The following ATP6V0A2 variants were observed in gnomAD, a reference collection of about 807,000 sequenced individuals.
The protein encoded by ATP6V0A2 is V-type proton ATPase 116 kDa subunit a 2.
A neutral mutation model predicts 104.4 loss-of-function variants in ATP6V0A2; 58 were observed. That is an observed-to-expected ratio of 0.56 (90% CI 0.45 to 0.69). The LOEUF is 0.69. Among genes scored for constraint, ATP6V0A2 ranks in the 30% least tolerant of loss-of-function variants. The probability of loss-of-function intolerance (pLI) is 0.00; values close to 1 mark genes in which losing one functional copy is unlikely to be tolerated. For synonymous variants in ATP6V0A2, 376 were observed against 397.9 expected (o/e 0.95, Z 0.65); for missense variants, 938 against 1,062.9 (o/e 0.88, Z 1.63).
rs1011810507 is a variant in ATP6V0A2 at position 123,758,562 on chromosome 12, G to A, written c.*530G>A. Reference sequence around the variant, plus strand: ...TTGAGATGAAGTCTTGCTGTGTCACGTAGGCTGGAGTGCAATGGCACGATC... The same window carrying A: ...TTGAGATGAAGTCTTGCTGTGTCACATAGGCTGGAGTGCAATGGCACGATC... On this transcript the variant is annotated 3_prime_UTR_variant, in exon 20 of 20. Coordinates refer to ENST00000330342, the MANE Select transcript of ATP6V0A2 (RefSeq NM_012463.4). 5 of 149,026 alleles carry A rather than the reference G, an allele frequency of 3.4e-5. No homozygotes were observed. The highest frequency in any genetic ancestry group is 5.0e-5 in the African/African-American group (2 of 40,154). The allele number at this position is 149,026 out of a possible 1,614,324, so 9.2% of individuals were successfully genotyped here. A position where few individuals can be genotyped will look rare whatever the true frequency, so the allele number is the denominator to read the frequency against.
intron 6 of ATP6V0A2, chr12:123,733,512 A>G (rs1206673529): frequency 4.3e-6 from 1 of 233,856 alleles, no homozygotes; most frequent in Non-Finnish European, 8.5e-6. Flanking sequence ...TGTGCTCAGG[A>G]CACCAGACTG....
rs1329925161 is a variant in ATP6V0A2, at chr12:123,729,759, T to C, written c.648+1850T>C. 3.9e-5 allele frequency among the ~76,000 whole-genome samples: 6 copies of C among 152,322 alleles called. No individual in the cohort carries two copies. The East Asian group carries it at 1.2e-3, about 29-fold the overall frequency. On this transcript the variant is annotated intron_variant, in intron 6 of 19. Transcript: ENST00000330342. The stretch of plus-strand genomic sequence containing the variant: ...AGGAATTTTGGCTGTAAGATTAATA[T>C]ACATCTCATAGTAGTTTTGACGCAT...
chr12:123,751,747 A>AG, intron 16 of ATP6V0A2, among the ~76,000 whole-genome samples: 1 of 152,312 alleles, frequency 6.6e-6, no homozygotes, highest in East Asian at 1.9e-4. Flanking sequence ...CAAGCTTATT[A>AG]GGGGTTTAAC....
At chr12:123,747,788 C>T in intron 14 of ATP6V0A2, 63 bp downstream of exon 14, 1 of 1,116,920 alleles carries the variant, frequency 9.0e-7, no homozygotes. Flanking sequence ...TTCAATTTTG[C>T]TTCTTGTTGG....
intron 9 of ATP6V0A2, among the ~76,000 whole-genome samples, chr12:123,738,506 C>T (rs1435161451): frequency 6.6e-6 from 1 of 152,108 alleles, no homozygotes; most frequent in Non-Finnish European, 1.5e-5. Context: ...TTTCTGTTGG[C>T]TCCTGGTCTG....
Position 123,744,371 on chromosome 12 carries a change from G to C in ATP6V0A2, c.1326+34G>C. On this transcript the variant is annotated intron_variant, in intron 11 of 19. Transcript: ENST00000330342. The surrounding 1 kb of genome is among the most constrained non-coding windows in gnomAD (Gnocchi z 5.4). Reference sequence around the variant, plus strand: ...ATAAACACTCCAGCTCATATATCTGGTTAGGTGGCATTAGCAGTGACCGAA... The same window carrying C: ...ATAAACACTCCAGCTCATATATCTGCTTAGGTGGCATTAGCAGTGACCGAA... 1 of 1,613,896 alleles carries C rather than the reference G, an allele frequency of 6.2e-7. No homozygotes were observed. Among genetic ancestry groups the C allele is most frequent in the Non-Finnish European group, 8.5e-7 (1 of 1,179,824 alleles).
intron 2 of ATP6V0A2, among the ~76,000 whole-genome samples, chr12:123,719,634 C>T (rs1566273807): frequency 6.6e-6 from 1 of 151,784 alleles, no homozygotes; most frequent in East Asian, 1.9e-4. Context: ...CAAACCGCCC[C>T]AAAAAAGCTT....
chr12:123,727,667 AG>A, intron 5 of ATP6V0A2, 115 bp from the exon 6 acceptor site: 1 of 1,253,934 alleles, frequency 8.0e-7, no homozygotes, highest in Non-Finnish European at 1.2e-6. Context: ...TTGCAGTTGG[AG>A]GGCTCTCAGG....
chr12:123,751,676 A>G (rs2135917812), intron 16 of ATP6V0A2, among the ~76,000 whole-genome samples: 1 of 152,182 alleles, frequency 6.6e-6, no homozygotes. Context: ...TAAATGAAAC[A>G]TTGATGTTGA....
At chr12:123,717,063 C>G (rs183811865) in intron 1 of ATP6V0A2, among the ~76,000 whole-genome samples, 1 of 152,014 alleles carries the variant, frequency 6.6e-6, no homozygotes, top group African/African-American at 2.4e-5. Context: ...GCCTGTAATC[C>G]TAGCATTTTG....
chr12:123,733,697 C>T (rs112512783), intron 6 of ATP6V0A2: 9 of 541,100 alleles, frequency 1.7e-5, no homozygotes, highest in African/African-American at 3.8e-5. Flanking sequence ...ACGCGGGTGT[C>T]GGGTGCCTAA....
chr12:123,729,322 G>GTTTTTTTTTTTTTTTTTTTTTTTTTTT, intron 6 of ATP6V0A2, among the ~76,000 whole-genome samples: 1 of 113,890 alleles, frequency 8.8e-6, no homozygotes, highest in Non-Finnish European at 1.7e-5. Context: ...CAAGGAGGCT[G>GTTTTTTTTTTTTTTTTTTTTTTTTTTT]TTTTTTTTTT....
intron 5 of ATP6V0A2, among the ~76,000 whole-genome samples, chr12:123,727,496 T>G (rs1956459531): frequency 6.6e-6 from 1 of 152,062 alleles, no homozygotes; most frequent in Non-Finnish European, 1.5e-5. Flanking sequence ...ACAGGCTGGT[T>G]TTGAACTCCT....
rs1465234613 is a variant in ATP6V0A2, at chr12:123,748,777, A to G, written c.1927A>G (p.Thr643Ala). The change falls in exon 15 of 20, where the codon ACA becomes GCA. Residue 643 changes from threonine to alanine, a missense_variant. Physicochemically the swap from Thr to Ala is moderately conservative, Grantham distance 58. Transcript: ENST00000330342. ...FPASKTSGLY[T>A]GQEYVQRVLL... ...AGCCAGTAAAACAAGTGGCCTTTAC[A>G]CAGGGCAGGTGAGTCATCTTCCCAC... 1.2e-6 allele frequency: 2 copies of G among 1,613,756 alleles called. No homozygotes were observed. The highest frequency in any genetic ancestry group is 2.2e-5 in the East Asian group (1 of 44,886).
In ATP6V0A2 at chr12:123,759,196, A is replaced by G. The variant is rs543231660; in HGVS notation, c.*1164A>G. ...ATATTTTTGTAACAAAATATAAATGAAGATATTTTACCATGAAGAGATTGC... is the reference window on the plus strand; with the variant it reads ...ATATTTTTGTAACAAAATATAAATGGAGATATTTTACCATGAAGAGATTGC... On this transcript the variant is annotated 3_prime_UTR_variant, in exon 20 of 20. Coordinates refer to ENST00000330342, the MANE Select transcript of ATP6V0A2 (RefSeq NM_012463.4). The G allele has an allele frequency of 6.6e-6, 1 of 152,144 alleles. No individual in the cohort carries two copies. The highest frequency in any genetic ancestry group is 2.1e-4 in the South Asian group (1 of 4,832). 9.4% of individuals were successfully genotyped at this position (152,144 alleles called of 1,614,324 possible). A position where few individuals can be genotyped will look rare whatever the true frequency, so the allele number is the denominator to read the frequency against.
In ATP6V0A2 at chr12:123,735,643, G is replaced by T; in HGVS notation, c.825+19G>T. The T allele has an allele frequency of 6.3e-7, 1 of 1,593,212 alleles. No homozygotes were observed. The highest frequency in any genetic ancestry group is 8.6e-7 in the Non-Finnish European group (1 of 1,161,240). ...CTACACTGTGAGTAAGCTGGAAGTG[G>T]ATTGCCTCTTTATCTGAGGGCTGCC... On this transcript the variant is annotated intron_variant, in intron 8 of 19. Transcript: ENST00000330342.
rs1451798153 is a variant in ATP6V0A2 at position 123,726,339 on chromosome 12, C to G, written c.521+54C>G. On this transcript the variant is annotated intron_variant, in intron 5 of 19. Coordinates refer to ENST00000330342, the MANE Select transcript of ATP6V0A2 (RefSeq NM_012463.4). ...TTCATACTGCCCTTCTTGTAAAAGG[C>G]AGATGAGCTCCATAGAAGGGATGAA... The G allele has an allele frequency of 5.6e-6, 7 of 1,255,124 alleles. No individual in the cohort carries two copies. The Admixed American group carries it at 1.0e-4, about 18-fold the overall frequency. 77.7% of individuals were successfully genotyped at this position (1,255,124 alleles called of 1,614,324 possible).
At position 123,748,558 on chromosome 12, in the gene ATP6V0A2, T is replaced by G. The variant is rs1437372844; in HGVS notation, c.1725-17T>G. ...CTGATCTTGTTCGTGGGTTGATTGA[T>G]TCCTTTTCTTTCCTAGGCACTTCAG... On this transcript the variant is annotated splice_polypyrimidine_tract_variant and intron_variant, in intron 14 of 19. Coordinates refer to ENST00000330342, the MANE Select transcript of ATP6V0A2 (RefSeq NM_012463.4). The G allele has an allele frequency of 6.3e-7, 1 of 1,593,294 alleles. No homozygotes were observed. Among genetic ancestry groups the G allele is most frequent in the African/African-American group, 1.3e-5 (1 of 74,590 alleles).
At chr12:123,741,921 A>C (rs1380472798) in intron 9 of ATP6V0A2, among the ~76,000 whole-genome samples, 1 of 151,836 alleles carries the variant, frequency 6.6e-6, no homozygotes, top group South Asian at 2.1e-4. Flanking sequence ...TCTTTTTTTT[A>C]TTTTTTGTGT....
Sources: allele counts gnomAD v4.1 joint callset (sites outside exome capture counted in the v4.1 genomes callset), GRCh38; gene constraint gnomAD v4.1.1; non-coding constraint Gnocchi (gnomAD v3.1); transcripts MANE v1.5; gene names NCBI Gene and HGNC (gene_info 2026-07-23, HGNC 2026-07-21).